Variants in DMD observed in about 807,000 individuals in gnomAD.
The protein encoded by DMD is dystrophin, also known as mutant dystrophin.
A neutral mutation model predicts 330.1 loss-of-function variants in DMD; 63 were observed. That is an observed-to-expected ratio of 0.19 (90% confidence interval 0.16 to 0.24). DMD has a LOEUF of 0.24. Among genes scored for constraint, DMD ranks in the 10% least tolerant of loss-of-function variants. DMD has a pLI of 1.00. For synonymous variants in DMD, 1,223 were observed against 959.8 expected (o/e 1.27, Z -5.07); for missense variants, 3,344 against 2,684.1 (o/e 1.25, Z -5.43).
In DMD at chrX:32,043,370, A is replaced by G. The variant is rs370659546; in HGVS notation, c.6439-74856T>C. Among the ~76,000 whole-genome samples the G allele has an allele frequency of 5.2e-3, 530 of 102,729 alleles. 5 individuals carry two copies. Among genetic ancestry groups the G allele is most frequent in the African/African-American group, 0.017 (495 of 28,519 alleles). The allele number at this position is 102,729 out of a possible 115,157, so 89.2% of individuals were successfully genotyped here. On this transcript the variant is annotated intron_variant, in intron 44 of 78. Transcript: ENST00000357033. ...TTTGCTAACACTTAATGGATTCCATATGTTCAATAAAAAATCATTATGAGA... is the reference window on the plus strand; with the variant it reads ...TTTGCTAACACTTAATGGATTCCATGTGTTCAATAAAAAATCATTATGAGA...
chrX:32,760,953 C>CTA (rs1190191309), intron 7 of DMD, among the ~76,000 whole-genome samples: 1 of 111,127 alleles, frequency 9.0e-6, no homozygotes, highest in African/African-American at 3.3e-5. Context: ...ACCTGGAATG[C>CTA]TATTCTTCCC....
intron 7 of DMD, among the ~76,000 whole-genome samples, chrX:32,780,568 G>C (rs952584220): frequency 4.6e-5 from 5 of 108,763 alleles, no homozygotes; most frequent in African/African-American, 1.8e-4. Context: ...CTTCAGCTTA[G>C]ACAACAAAGT....
chrX:31,672,392 G>A (rs2081856647), intron 53 of DMD, among the ~76,000 whole-genome samples: 1 of 112,131 alleles, frequency 8.9e-6, no homozygotes, highest in African/African-American at 3.2e-5. Flanking sequence ...ATGAAACGCT[G>A]TATAGATATC....
intron 55 of DMD, among the ~76,000 whole-genome samples, chrX:31,586,356 G>C (rs2076607460): frequency 8.9e-6 from 1 of 112,510 alleles, no homozygotes; most frequent in East Asian, 2.8e-4. Context: ...GTTTGAAACA[G>C]AGTATACTAT....
At chrX:31,162,098 A>C in intron 74 of DMD, among the ~76,000 whole-genome samples, 2 of 111,298 alleles carry the variant, frequency 1.8e-5, no homozygotes, top group Middle Eastern at 9.2e-3. Context: ...AGTAGGATAT[A>C]AGTAGTTGTT....
At chrX:33,099,176 A>T (rs2095210979) in intron 1 of DMD, among the ~76,000 whole-genome samples, 1 of 111,713 alleles carries the variant, frequency 9.0e-6, no homozygotes, top group Non-Finnish European at 1.9e-5. Context: ...TCCCATTTAG[A>T]TGGGTAGGAA....
intron 1 of DMD, among the ~76,000 whole-genome samples, chrX:33,241,267 G>A (rs1027109251): frequency 1.8e-5 from 2 of 111,918 alleles, no homozygotes; most frequent in Non-Finnish European, 3.8e-5. Context: ...AATTTTTTCT[G>A]CATGTGGATA....
chrX:32,712,536 C>A (rs1317658630), intron 7 of DMD, among the ~76,000 whole-genome samples: 1 of 111,373 alleles, frequency 9.0e-6, no homozygotes, highest in Non-Finnish European at 1.9e-5. Flanking sequence ...TTACATGAAC[C>A]CTCATAATAA....
At chrX:33,093,006 T>C (rs1175700139) in intron 1 of DMD, among the ~76,000 whole-genome samples, 1 of 110,823 alleles carries the variant, frequency 9.0e-6, no homozygotes, top group Non-Finnish European at 1.9e-5. Context: ...CCCAAGTAGC[T>C]AGGATTATAG....
chrX:32,368,401 C>T (rs961073461), intron 34 of DMD, among the ~76,000 whole-genome samples: 8 of 111,141 alleles, frequency 7.2e-5, no homozygotes, highest in Admixed American at 2.9e-4. Flanking sequence ...CACTTGAAGG[C>T]GGAGTGTGCA....
chrX:33,278,475 C>T (rs73459978), intron 1 of DMD, among the ~76,000 whole-genome samples: 1,543 of 111,724 alleles, frequency 0.014, 29 homozygotes, highest in African/African-American at 0.047. Flanking sequence ...GGATAATGTC[C>T]TCCAGCTCCA....
intron 2 of DMD, among the ~76,000 whole-genome samples, chrX:32,928,827 T>A (rs975186523): frequency 1.8e-5 from 2 of 112,187 alleles, no homozygotes; most frequent in African/African-American, 6.5e-5. Context: ...TTACAAACTT[T>A]AGGTTGCAGT....
At chrX:31,224,214 C>T (rs956786594) in intron 63 of DMD, among the ~76,000 whole-genome samples, 4 of 111,830 alleles carry the variant, frequency 3.6e-5, no homozygotes, top group Admixed American at 2.8e-4. Context: ...AGATCATGGA[C>T]CGACTGACCA....
At chrX:32,643,931 T>C (rs1569372800) in intron 11 of DMD, among the ~76,000 whole-genome samples, 2 of 111,999 alleles carry the variant, frequency 1.8e-5, no homozygotes, top group Admixed American at 9.6e-5. Flanking sequence ...ACAGTGCATC[T>C]ATCTAACATC....
At chrX:32,576,525 C>G (rs1485471060) in intron 13 of DMD, among the ~76,000 whole-genome samples, 1 of 110,809 alleles carries the variant, frequency 9.0e-6, no homozygotes, top group Non-Finnish European at 1.9e-5. Flanking sequence ...GTAACATTGA[C>G]AGCATGAAGA....
At chrX:32,066,483 T>C (rs1299179732) in intron 44 of DMD, among the ~76,000 whole-genome samples, 1 of 111,452 alleles carries the variant, frequency 9.0e-6, no homozygotes, top group African/African-American at 3.3e-5. Context: ...TGACTACCCA[T>C]GTGTACATTT....
intron 11 of DMD, among the ~76,000 whole-genome samples, chrX:32,634,139 G>A (rs971199137): frequency 2.7e-5 from 3 of 111,517 alleles, no homozygotes; most frequent in Non-Finnish European, 3.8e-5. Flanking sequence ...TCATGGCCAC[G>A]ACGACTACTG....
rs11333372 is a variant in DMD at position 31,178,432 on chromosome X, GTT to G, written c.10223+235_10223+236del. 4,957 of 784,492 alleles carry G rather than the reference GTT, an allele frequency of 6.3e-3. 26 individuals carry two copies. The Admixed American group carries it at 0.074, about 12-fold the overall frequency. The allele number at this position is 784,492 out of a possible 1,213,427, so 64.7% of individuals were successfully genotyped here. On this transcript the variant is annotated intron_variant, in intron 70 of 78. Coordinates refer to ENST00000357033, the MANE Select transcript of DMD (RefSeq NM_004006.3). ...CAATTAGTGGCTGTATTGTGTTGTG[GTT>G]TTTTTTTTTTTTTCCCCCTGTGAGA...
chrX:32,914,344 G>A (rs775349556), intron 2 of DMD, among the ~76,000 whole-genome samples: 2 of 112,017 alleles, frequency 1.8e-5, no homozygotes, highest in Non-Finnish European at 1.9e-5. Flanking sequence ...CTGTCAGCTC[G>A]GTACAGACCA....
Sources: allele counts gnomAD v4.1 joint callset (sites outside exome capture counted in the v4.1 genomes callset), GRCh38; gene constraint gnomAD v4.1.1; transcripts MANE v1.5; gene names NCBI Gene and HGNC (gene_info 2026-07-23, HGNC 2026-07-21).